TNRC6C: variants seen among roughly 807,000 people sequenced by gnomAD.
TNRC6C encodes the protein trinucleotide repeat-containing gene 6C protein.
A neutral mutation model predicts 153.7 loss-of-function variants in TNRC6C; 20 were observed. The ratio of observed to expected loss-of-function variants is 0.13; its 90% CI spans 0.09 to 0.19. TNRC6C has a LOEUF of 0.19. Among genes scored for constraint, TNRC6C ranks in the 10% least tolerant of loss-of-function variants. The pLI is 1.00. For missense variants in TNRC6C, 1,987 were observed against 2,172.0 expected, an observed-to-expected ratio of 0.91 and a Z score of 1.69; for synonymous variants, 811 against 841.4, an observed-to-expected ratio of 0.96 and a Z score of 0.63.
At chr17:77,979,335 CAT>C (rs1199343479) in intron 1 of TNRC6C, among the ~76,000 whole-genome samples, 1 of 152,138 alleles carries the variant, frequency 6.6e-6, no homozygotes, top group Non-Finnish European at 1.5e-5. Flanking sequence ...CCTTACAAAT[CAT>C]ATGAATGTAC....
chr17:78,090,926 T>G (rs2073382606), intron 13 of TNRC6C, among the ~76,000 whole-genome samples: 1 of 152,254 alleles, frequency 6.6e-6, no homozygotes. Context: ...AAAAGTGTTT[T>G]TGACCTGATG....
At chr17:78,014,627 C>T (rs1401632332) in intron 1 of TNRC6C, among the ~76,000 whole-genome samples, 3 of 149,184 alleles carry the variant, frequency 2.0e-5, no homozygotes, top group East Asian at 3.9e-4. Context: ...TTCATGTTAT[C>T]TAGTATGTGA....
chr17:78,063,506 A>G (rs1025383661), intron 3 of TNRC6C, among the ~76,000 whole-genome samples: 2 of 151,998 alleles, frequency 1.3e-5, no homozygotes, highest in Non-Finnish European at 2.9e-5. Flanking sequence ...GTGATTCTAT[A>G]TGCATCTCTA....
chr17:78,106,088 C>CCTAT (rs2073688992), exon 20 of TNRC6C: 1 of 151,364 alleles, frequency 6.6e-6, no homozygotes, highest in African/African-American at 2.4e-5. Flanking sequence ...GAACTGTGGC[C>CCTAT]ATAGATACTT....
At chr17:78,031,419 T>A (rs2072071744) in intron 1 of TNRC6C, 97 bp from the exon 4 acceptor site, 2 of 940,290 alleles carry the variant, frequency 2.1e-6, no homozygotes, top group Non-Finnish European at 2.8e-6. Flanking sequence ...ACATTGTCAT[T>A]TTTTCTCAGT....
intron 1 of TNRC6C, among the ~76,000 whole-genome samples, chr17:77,980,447 GCAGT>G (rs1462500552): frequency 6.6e-6 from 1 of 152,166 alleles, no homozygotes; most frequent in Non-Finnish European, 1.5e-5. Context: ...TGCCAAGCAA[GCAGT>G]CAGTTCTGCA....
intron 6 of TNRC6C, among the ~76,000 whole-genome samples, chr17:78,072,660 A>G (rs1598758087): frequency 6.6e-6 from 1 of 152,214 alleles, no homozygotes; most frequent in African/African-American, 2.4e-5. Context: ...AGGCAGGAGA[A>G]CCACTTGAGC....
chr17:78,068,241 T>C (rs1020394903), intron 5 of TNRC6C, among the ~76,000 whole-genome samples: 10 of 152,258 alleles, frequency 6.6e-5, no homozygotes, highest in African/African-American at 2.2e-4. Flanking sequence ...CATAGAGATT[T>C]GCCAAAAGGC....
intron 2 of TNRC6C, among the ~76,000 whole-genome samples, chr17:78,037,766 C>A (rs1218807940): frequency 6.6e-6 from 1 of 152,134 alleles, no homozygotes; most frequent in Non-Finnish European, 1.5e-5. Context: ...AAATTAAATT[C>A]AGATTTAAAG....
At chr17:78,030,546 C>T in intron 1 of TNRC6C, among the ~76,000 whole-genome samples, 1 of 152,096 alleles carries the variant, frequency 6.6e-6, no homozygotes, top group East Asian at 1.9e-4. Flanking sequence ...TTTTTCAATT[C>T]CATTATAATC....
intron 3 of TNRC6C, among the ~76,000 whole-genome samples, chr17:78,053,560 C>T (rs1044637146): frequency 4.0e-5 from 6 of 150,796 alleles, no homozygotes; most frequent in Non-Finnish European, 5.9e-5. Context: ...ACCCAGGAGG[C>T]GGAGGTTGCA....
At chr17:78,093,596 T>C (rs2073430784) in intron 15 of TNRC6C, 24 bp from the exon 18 acceptor site, 1 of 1,613,358 alleles carries the variant, frequency 6.2e-7, no homozygotes, top group South Asian at 1.1e-5. Context: ...GATCTGTGGC[T>C]TCTCATTTTG....
chr17:78,065,524 C>T (rs778948539), intron 4 of TNRC6C, among the ~76,000 whole-genome samples: 1 of 152,228 alleles, frequency 6.6e-6, no homozygotes, highest in Non-Finnish European at 1.5e-5. Flanking sequence ...ACCCACACTA[C>T]TTCAGCAGTA....
intron 1 of TNRC6C, among the ~76,000 whole-genome samples, chr17:78,030,634 G>T (rs2072052633): frequency 6.6e-6 from 1 of 152,094 alleles, no homozygotes; most frequent in Non-Finnish European, 1.5e-5. Context: ...AGATAACCCA[G>T]AATGCACCAA....
chr17:77,972,641 A>G (rs73997888), intron 1 of TNRC6C, among the ~76,000 whole-genome samples: 1,744 of 152,354 alleles, frequency 0.011, 39 homozygotes, highest in African/African-American at 0.038. Flanking sequence ...AGGAATAGAC[A>G]AATTAACAAA....
chr17:78,014,202 C>T (rs1008827120), intron 1 of TNRC6C, among the ~76,000 whole-genome samples: 5 of 152,162 alleles, frequency 3.3e-5, no homozygotes, highest in Admixed American at 3.3e-4. Flanking sequence ...GTTCTGAGAG[C>T]TCATTTAGTT....
rs548033338 is a variant in TNRC6C at position 78,033,502 on chromosome 17, T to C, written c.-219+1660T>C. Among the ~76,000 whole-genome samples, 12 of 152,290 alleles carry C rather than the reference T, an allele frequency of 7.9e-5. No homozygotes were observed. In the South Asian group the frequency reaches 2.5e-3, roughly 32 times the overall value. On this transcript the variant is annotated intron_variant, in intron 2 of 19. Coordinates refer to ENST00000301624, the Ensembl canonical transcript of TNRC6C. ...CTGACCAACATGGAGAAACCCAGTCTGTACTAAAAATACAAAATTAGCTGG... is the reference window on the plus strand; with the variant it reads ...CTGACCAACATGGAGAAACCCAGTCCGTACTAAAAATACAAAATTAGCTGG...
chr17:77,959,824 T>C (rs1227677350), intron 1 of TNRC6C, among the ~76,000 whole-genome samples: 1 of 152,170 alleles, frequency 6.6e-6, no homozygotes, highest in Non-Finnish European at 1.5e-5. Context: ...TGTCCTGTTA[T>C]CAGATAACGT....
At chr17:78,019,371 C>T (rs1437778442) in intron 1 of TNRC6C, among the ~76,000 whole-genome samples, 1 of 152,194 alleles carries the variant, frequency 6.6e-6, no homozygotes, top group Non-Finnish European at 1.5e-5. Flanking sequence ...GAAGGGACAG[C>T]AGCCTGAACT....
Sources: allele counts gnomAD v4.1 joint callset (sites outside exome capture counted in the v4.1 genomes callset), GRCh38; gene constraint gnomAD v4.1.1; transcripts MANE v1.5; gene names NCBI Gene and HGNC (gene_info 2026-07-23, HGNC 2026-07-21).